The following LRRTM3 variants were observed in gnomAD, a reference collection of about 807,000 sequenced individuals.
LRRTM3 encodes the protein leucine-rich repeat transmembrane neuronal protein 3.
A neutral mutation model predicts 44.7 loss-of-function variants in LRRTM3; 24 were observed. The observed-to-expected ratio is 0.54, with a 90% CI of 0.39 to 0.76. The LOEUF (loss-of-function observed/expected upper bound fraction) is 0.76. LRRTM3 is among the 30% of genes least tolerant of loss of function. LRRTM3 has a pLI of 0.00. For missense variants in LRRTM3, 587 were observed against 702.2 expected, an observed-to-expected ratio of 0.84 and a Z score of 1.85; for synonymous variants, 277 against 278.7, an observed-to-expected ratio of 0.99 and a Z score of 0.06.
At position 66,927,220 on chromosome 10, in the gene LRRTM3, G is replaced by C. The variant is rs768106538; in HGVS notation, c.304G>C (p.Glu102Gln). ...CCATAACCATATCAGCAATATTGAC[G>C]AAAATGCTTTTAATGGAATACGCAG... ...LDHNHISNID[E>Q]NAFNGIRRLK... is the part of the protein sequence containing the mutation. Residue 102 changes from glutamate to glutamine, a missense_variant, in exon 2 of 3, where the codon GAA becomes CAA. Physicochemically the swap from Glu to Gln is conservative, Grantham distance 29. Transcript: ENST00000361320. The surrounding 1 kb of genome is among the most constrained non-coding windows in gnomAD (Gnocchi z 4.7). 1 of 1,614,120 alleles carries C rather than the reference G, an allele frequency of 6.2e-7. No homozygotes were observed. Among genetic ancestry groups the C allele is most frequent in the East Asian group, 2.2e-5 (1 of 44,888 alleles).
chr10:66,966,850 A>G (rs1849444119), intron 2 of LRRTM3, among the ~76,000 whole-genome samples: 1 of 152,104 alleles, frequency 6.6e-6, no homozygotes, highest in Non-Finnish European at 1.5e-5. Flanking sequence ...CCAACATAGA[A>G]CTATAGCTTA....
intron 2 of LRRTM3, among the ~76,000 whole-genome samples, chr10:66,946,642 G>A (rs909830379): frequency 6.6e-6 from 1 of 152,066 alleles, no homozygotes; most frequent in Non-Finnish European, 1.5e-5. Context: ...CATAAAGCAT[G>A]TACTTTTGAG....
At chr10:66,999,140 C>T (rs1399191210) in intron 2 of LRRTM3, among the ~76,000 whole-genome samples, 1 of 152,048 alleles carries the variant, frequency 6.6e-6, no homozygotes, top group African/African-American at 2.4e-5. Flanking sequence ...GATATTTGTA[C>T]TACTTTTATT....
chr10:66,942,092 T>A (rs1848028351), intron 2 of LRRTM3, among the ~76,000 whole-genome samples: 1 of 152,190 alleles, frequency 6.6e-6, no homozygotes, highest in Admixed American at 6.5e-5. Context: ...ATACTTCATG[T>A]CCCAGCACAA....
At chr10:66,990,281 GCTGTGGCCAGGTGAAGGGA>G in intron 2 of LRRTM3, among the ~76,000 whole-genome samples, 1 of 152,236 alleles carries the variant, frequency 6.6e-6, no homozygotes, top group South Asian at 2.1e-4. Context: ...ACACTGTAGT[GCTGTGGCCAGGTGAAGGGA>G]CTCTGAAACT....
intron 2 of LRRTM3, among the ~76,000 whole-genome samples, chr10:67,068,154 G>T (rs1045960962): frequency 1.3e-5 from 2 of 152,146 alleles, no homozygotes; most frequent in Non-Finnish European, 2.9e-5. Context: ...ACTAAGCTGA[G>T]TCAGTGGAAA....
intron 2 of LRRTM3, among the ~76,000 whole-genome samples, chr10:67,095,359 AT>A (rs1236932948): frequency 7.2e-5 from 11 of 151,860 alleles, no homozygotes; most frequent in Admixed American, 7.2e-4. Flanking sequence ...GTGGATTTAT[AT>A]TTAAACAGTA....
chr10:67,051,047 C>A (rs971297114), intron 2 of LRRTM3, among the ~76,000 whole-genome samples: 1 of 152,096 alleles, frequency 6.6e-6, no homozygotes, highest in Non-Finnish European at 1.5e-5. Context: ...TTTTCAAGAA[C>A]CTTACAATAT....
rs542896748 is a variant in LRRTM3 at position 67,093,695 on chromosome 10, TCA to T, written c.1537-3889_1537-3888del. ...CCCCCCCAACAAAAGATTGCTGAAT[TCA>T]CAGTCGTTGCCCAAACCTCTGCATC... On this transcript the variant is annotated intron_variant, in intron 2 of 2. Coordinates refer to ENST00000361320, the MANE Select transcript of LRRTM3 (RefSeq NM_178011.5). Among the ~76,000 whole-genome samples the T allele has an allele frequency of 1.9e-4, 29 of 152,044 alleles. No homozygotes were observed. In the South Asian group the frequency reaches 6.0e-3, roughly 32 times the overall value.
chr10:67,058,452 A>G (rs1855568819), intron 2 of LRRTM3, among the ~76,000 whole-genome samples: 1 of 152,244 alleles, frequency 6.6e-6, no homozygotes, highest in Non-Finnish European at 1.5e-5. Context: ...CAACAGCAGT[A>G]AATTAGCAGT....
Position 66,978,552 on chromosome 10 carries a change from A to AAAT in LRRTM3, c.1536+50101_1536+50102insATA. ...AAAAAAAAAAAAAAAAAAAAAAAAA[A>AAAT]ATATATATATATATATATAGTATGG... On this transcript the variant is annotated intron_variant, in intron 2 of 2. Coordinates refer to ENST00000361320, the MANE Select transcript of LRRTM3 (RefSeq NM_178011.5). 3.7e-3 allele frequency among the ~76,000 whole-genome samples: 141 copies of AAAT among 37,794 alleles called. 3 individuals are homozygous for AAAT. Among genetic ancestry groups the AAAT allele is most frequent in the African/African-American group, 6.3e-3 (73 of 11,500 alleles). The allele number at this position is 37,794 out of a possible 152,430, so 24.8% of individuals were successfully genotyped here.
chr10:66,972,964 G>A (rs1373205599), intron 2 of LRRTM3, among the ~76,000 whole-genome samples: 3 of 152,022 alleles, frequency 2.0e-5, no homozygotes, highest in African/African-American at 7.2e-5. Context: ...ACAGTAGAGA[G>A]AAATAACATT....
At chr10:66,989,652 C>T (rs1850933453) in intron 2 of LRRTM3, among the ~76,000 whole-genome samples, 1 of 152,000 alleles carries the variant, frequency 6.6e-6, no homozygotes, top group African/African-American at 2.4e-5. Context: ...GAGTGAATAG[C>T]TTACCTAACG....
chr10:67,090,911 T>C (rs1857594446), intron 2 of LRRTM3, among the ~76,000 whole-genome samples: 1 of 152,026 alleles, frequency 6.6e-6, no homozygotes, highest in Non-Finnish European at 1.5e-5. Flanking sequence ...ACACTATTTA[T>C]CTCATATAGC....
chr10:67,017,725 C>CTG (rs10586644), intron 2 of LRRTM3, among the ~76,000 whole-genome samples: 10,990 of 147,878 alleles, frequency 0.074, 481 homozygotes, highest in Middle Eastern at 0.11. Flanking sequence ...CAAAAATCAT[C>CTG]TGTGTGTGTG....
At chr10:67,010,065 T>C (rs993426989) in intron 2 of LRRTM3, among the ~76,000 whole-genome samples, 1 of 152,186 alleles carries the variant, frequency 6.6e-6, no homozygotes, top group African/African-American at 2.4e-5. Context: ...GTCAGGGCTC[T>C]TTAGAACCTT....
intron 2 of LRRTM3, among the ~76,000 whole-genome samples, chr10:67,079,475 G>A (rs529059706): frequency 2.6e-5 from 4 of 152,240 alleles, no homozygotes; most frequent in South Asian, 2.1e-4. Context: ...AATATCTCCC[G>A]AGGATCAGAG....
intron 2 of LRRTM3, among the ~76,000 whole-genome samples, chr10:66,996,664 A>AAAAAAAAAAAAAAAAAAAAAC (rs1851368759): frequency 1.3e-5 from 2 of 150,730 alleles, no homozygotes; most frequent in Non-Finnish European, 3.0e-5. Context: ...AAAAAAAAAA[A>AAAAAAAAAAAAAAAAAAAAAC]AAAAAAAGCA....
chr10:66,977,963 A>T (rs1423903693), intron 2 of LRRTM3, among the ~76,000 whole-genome samples: 1 of 152,154 alleles, frequency 6.6e-6, no homozygotes, highest in Non-Finnish European at 1.5e-5. Context: ...CACTTAGTCA[A>T]ACTTTTATTC....
Sources: gnomAD v4.1 joint callset for allele counts (sites outside exome capture counted in the v4.1 genomes callset) on GRCh38, gnomAD v4.1.1 for gene constraint, Gnocchi (gnomAD v3.1) non-coding constraint, MANE v1.5 for transcripts, NCBI Gene and HGNC (gene_info 2026-07-23, HGNC 2026-07-21) for gene names.